RBM46: variants seen among roughly 807,000 people sequenced by gnomAD.
RBM46 encodes the protein RNA binding motif protein 46.
RBM46 carries 12 observed loss-of-function variants against 43.3 expected under a neutral mutation model. That is an observed-to-expected ratio of 0.28 (90% CI 0.18 to 0.45). RBM46 has a LOEUF of 0.45. RBM46 is among the 20% of genes least tolerant of loss of function. RBM46 has a pLI of 1.00. For synonymous variants in RBM46, 205 were observed against 207.6 expected, an observed-to-expected ratio of 0.99 and a Z score of 0.11; for missense variants, 412 against 639.1, an observed-to-expected ratio of 0.64 and a Z score of 3.83.
chr4:154,805,975 T>C (rs1219961240), intron 4 of RBM46, among the ~76,000 whole-genome samples: 1 of 151,932 alleles, frequency 6.6e-6, no homozygotes, highest in East Asian at 1.9e-4. Context: ...AAAATTTCTT[T>C]TAAAATTTAC....
chr4:154,819,150 T>C (rs1241036356), intron 4 of RBM46, among the ~76,000 whole-genome samples: 2 of 152,200 alleles, frequency 1.3e-5, no homozygotes, highest in East Asian at 3.8e-4. Context: ...ATTTGAAGGC[T>C]AGCACGATGT....
intron 3 of RBM46, 65 bp downstream of exon 3, chr4:154,798,343 A>G: frequency 1.0e-6 from 1 of 995,294 alleles, no homozygotes; most frequent in Non-Finnish European, 1.5e-6. Flanking sequence ...ATAGTACATC[A>G]GGGATCAATA....
intron 4 of RBM46, among the ~76,000 whole-genome samples, chr4:154,803,554 T>A (rs1734743043): frequency 1.3e-5 from 2 of 151,386 alleles, no homozygotes; most frequent in Non-Finnish European, 2.9e-5. Flanking sequence ...TACAAAAAAA[T>A]TAGCCGGGCG....
intron 4 of RBM46, among the ~76,000 whole-genome samples, chr4:154,817,973 A>G (rs1735537142): frequency 6.6e-6 from 1 of 152,068 alleles, no homozygotes; most frequent in Non-Finnish European, 1.5e-5. Context: ...TGAGTATTTT[A>G]TCACATCCTA....
intron 4 of RBM46, among the ~76,000 whole-genome samples, chr4:154,819,257 A>AT (rs1434371705): frequency 3.3e-5 from 5 of 152,192 alleles, no homozygotes; most frequent in African/African-American, 1.2e-4. Context: ...TTGAAGTTAA[A>AT]TTTAGTCTCT....
chr4:154,782,553 G>C lies in RBM46; in HGVS notation c.-12+1117G>C, dbSNP rs112624090. ...GGCGGGAGAGCAGTGGCAGGATCTC[G>C]GCTGACTGCAACTTCCGCCTACCGG... On this transcript the variant is annotated intron_variant, in intron 1 of 4. Transcript: ENST00000281722. Among the ~76,000 whole-genome samples the C allele has an allele frequency of 4.9e-3, 744 of 152,188 alleles. 6 individuals are homozygous for C. Among genetic ancestry groups the C allele is most frequent in the Non-Finnish European group, 7.9e-3 (534 of 68,004 alleles).
intron 4 of RBM46, among the ~76,000 whole-genome samples, chr4:154,802,867 C>T (rs1345942658): frequency 6.6e-6 from 1 of 151,928 alleles, no homozygotes; most frequent in Non-Finnish European, 1.5e-5. Flanking sequence ...CCAATCTTAA[C>T]CTTGATGATC....
chr4:154,815,942 A>G (rs937976416), intron 4 of RBM46, among the ~76,000 whole-genome samples: 1 of 152,080 alleles, frequency 6.6e-6, no homozygotes, highest in Non-Finnish European at 1.5e-5. Flanking sequence ...CGCCCCGCTC[A>G]TATGAATATT....
intron 1 of RBM46, chr4:154,790,486 CG>C (rs989634103): frequency 2.6e-5 from 4 of 152,050 alleles, no homozygotes; most frequent in African/African-American, 9.7e-5. Context: ...GCATTCCCCT[CG>C]GGGGAATAAA....
chr4:154,828,255 T>C lies in RBM46; in HGVS notation c.*188T>C. On this transcript the variant is annotated 3_prime_UTR_variant, in exon 5 of 5. Transcript: ENST00000281722. ...TTGTAGAATTTATAAAAATGCAAAG[T>C]TTAAAAAGTTATTCAGTGGTTTCTC... 3.5e-6 allele frequency: 2 copies of C among 577,492 alleles called. No individual in the cohort carries two copies. The highest frequency in any genetic ancestry group is 3.2e-5 in the Admixed American group (1 of 31,666). 35.8% of individuals were successfully genotyped at this position (577,492 alleles called of 1,614,324 possible).
intron 1 of RBM46, among the ~76,000 whole-genome samples, chr4:154,785,516 A>G (rs1421624938): frequency 1.3e-5 from 2 of 152,140 alleles, no homozygotes; most frequent in Admixed American, 1.3e-4. Flanking sequence ...AAGGTACCAT[A>G]TTAAGATTGG....
chr4:154,788,749 C>T (rs1733919184), intron 1 of RBM46, among the ~76,000 whole-genome samples: 1 of 152,126 alleles, frequency 6.6e-6, no homozygotes, highest in Admixed American at 6.5e-5. Context: ...ATGGGGATGG[C>T]ATTGAATGTC....
In RBM46 at chr4:154,799,530, G is replaced by A; in HGVS notation, c.1368G>A (p.Lys456=). 1.9e-6 allele frequency: 3 copies of A among 1,583,422 alleles called. No individual in the cohort carries two copies. In the African/African-American group the frequency reaches 4.1e-5, roughly 22 times the overall value. ...DKLCTTLEDA[K]ELAAQFTLLH... ...TCTGTACTACGTTAGAAGATGCAAA[G>A]GAACTGGCAGCCCAGTTTACATTAC... The change falls in exon 4 of 5, where the codon AAG becomes AAA. Residue 456 remains lysine (K), a synonymous_variant. Transcript: ENST00000281722.
chr4:154,821,395 CT>C (rs200837030), intron 4 of RBM46, among the ~76,000 whole-genome samples: 7 of 150,842 alleles, frequency 4.6e-5, no homozygotes, highest in East Asian at 3.9e-4. Context: ...TGAGCTACAA[CT>C]TTTTTTTTAA....
In RBM46 at chr4:154,828,178, G is replaced by T. The variant is rs891385523; in HGVS notation, c.*111G>T. On this transcript the variant is annotated 3_prime_UTR_variant, in exon 5 of 5. Transcript: ENST00000281722. Reference sequence around the variant, plus strand: ...GGGTTTGCATATTTGGTTTTAAAAAGGTATTTATTCCAAAGTACTAAACAT... The same window carrying T: ...GGGTTTGCATATTTGGTTTTAAAAATGTATTTATTCCAAAGTACTAAACAT... The T allele has an allele frequency of 3.8e-6, 3 of 790,894 alleles. No homozygotes were observed. Among genetic ancestry groups the T allele is most frequent in the Non-Finnish European group, 6.3e-6 (3 of 479,380 alleles). The allele number at this position is 790,894 out of a possible 1,614,324, so 49.0% of individuals were successfully genotyped here. A position where few individuals can be genotyped will look rare whatever the true frequency, so the allele number is the denominator to read the frequency against.
chr4:154,793,461 A>C (rs544644003), intron 1 of RBM46, among the ~76,000 whole-genome samples: 1 of 152,320 alleles, frequency 6.6e-6, no homozygotes, highest in Non-Finnish European at 1.5e-5. Context: ...TCAGTAATGC[A>C]TACATGCTAG....
chr4:154,800,214 T>TA (rs1734564053), intron 4 of RBM46, among the ~76,000 whole-genome samples: 1 of 152,198 alleles, frequency 6.6e-6, no homozygotes, highest in Admixed American at 6.5e-5. Flanking sequence ...CAAGATATGT[T>TA]CATTAAACCA....
rs921254778 is a variant in RBM46 at position 154,798,048 on chromosome 4, A to G, written c.389A>G (p.Lys130Arg). Residue 130 changes from lysine (K) to arginine (R), a missense_variant, in exon 3 of 5, where the codon AAG becomes AGG. By Grantham distance (26) the Lys-to-Arg change is conservative. Around this residue, in one of 8 missense-constraint regions of RBM46, gnomAD observed 48 missense variants for 78.9 expected, o/e 0.61. Transcript: ENST00000281722. ...ILNNYEIRPGKFIGVCVSLDN... is the reference protein window; with the variant it reads ...ILNNYEIRPGRFIGVCVSLDN... Reference sequence around the variant, plus strand: ...AATAATTATGAAATTCGACCAGGGAAGTTTATTGGTGTGTGTGTAAGCCTG... The same window carrying G: ...AATAATTATGAAATTCGACCAGGGAGGTTTATTGGTGTGTGTGTAAGCCTG... 1.9e-6 allele frequency: 3 copies of G among 1,613,828 alleles called. No individual in the cohort carries two copies. The highest frequency in any genetic ancestry group is 2.5e-6 in the Non-Finnish European group (3 of 1,179,816).
chr4:154,812,124 C>T (rs1735210404), intron 4 of RBM46, among the ~76,000 whole-genome samples: 1 of 151,226 alleles, frequency 6.6e-6, no homozygotes, highest in African/African-American at 2.4e-5. Context: ...TTTGTAAATT[C>T]ACATGATTCC....
Sources: gnomAD v4.1 joint callset for allele counts (sites outside exome capture counted in the v4.1 genomes callset) on GRCh38, gnomAD v4.1.1 for gene constraint, gnomAD v4.1.1 regional missense constraint, MANE v1.5 for transcripts, NCBI Gene and HGNC (gene_info 2026-07-23, HGNC 2026-07-21) for gene names.